Variants in NT5C3A observed in about 807,000 individuals in gnomAD.
NT5C3A encodes the protein 5'-nucleotidase, cytosolic IIIA, also known as cytosolic 5'-nucleotidase 3A.
Under a neutral mutation model 40.0 loss-of-function variants are expected in NT5C3A, and 23 were observed. The observed-to-expected ratio is 0.58, with a 90% CI of 0.41 to 0.81. The LOEUF is 0.81. Ranked by LOEUF, NT5C3A falls within the 40% of genes least tolerant of loss-of-function variation. NT5C3A has a pLI of 0.00. For synonymous variants in NT5C3A, 130 were observed against 141.4 expected, an observed-to-expected ratio of 0.92 and a Z score of 0.57; for missense variants, 328 against 403.0, an observed-to-expected ratio of 0.81 and a Z score of 1.59.
chr7:33,049,726 T>C (rs1787287975), intron 1 of NT5C3A, among the ~76,000 whole-genome samples: 2 of 151,868 alleles, frequency 1.3e-5, no homozygotes, highest in African/African-American at 4.8e-5. Context: ...TCCCAGCACT[T>C]TGGGAGACCG....
chr7:33,029,236 T>G (rs1786111637), intron 1 of NT5C3A: 1 of 101,226 alleles, frequency 9.9e-6, no homozygotes, highest in African/African-American at 5.1e-5. Context: ...AGATAGGCAC[T>G]GGTTCCTATT....
rs1036757268 is a variant in NT5C3A at position 33,014,192 on chromosome 7, T to C, written c.*538A>G. On this transcript the variant is annotated 3_prime_UTR_variant, in exon 9 of 9. Transcript: ENST00000610140. ...TTCAATATAGAATGTTTTGTAATGA[T>C]TAGCAACATTGTAAACACCACCAGG... The C allele has an allele frequency of 2.2e-6, 1 of 454,308 alleles. No individual in the cohort carries two copies. Among genetic ancestry groups the C allele is most frequent in the Non-Finnish European group, 4.4e-6 (1 of 226,732 alleles). 28.1% of individuals were successfully genotyped at this position (454,308 alleles called of 1,614,324 possible). A position where few individuals can be genotyped will look rare whatever the true frequency, so the allele number is the denominator to read the frequency against.
intron 1 of NT5C3A, among the ~76,000 whole-genome samples, chr7:33,034,233 T>G (rs1177003275): frequency 1.3e-5 from 2 of 151,930 alleles, no homozygotes; most frequent in East Asian, 3.9e-4. Flanking sequence ...AAGGTAAAAA[T>G]TGTGTAAATT....
rs1323952954 is a variant in NT5C3A at position 33,015,802 on chromosome 7, A to G, written c.762T>C (p.Asn254=). 1.1e-5 allele frequency: 17 copies of G among 1,610,506 alleles called. No homozygotes were observed. The highest frequency in any genetic ancestry group is 1.4e-5 in the Non-Finnish European group (17 of 1,176,792). The change falls in exon 8 of 9, where the codon AAT becomes AAC. Residue 254 remains asparagine (N), a synonymous_variant. Transcript: ENST00000610140. ...VFNKHDGALR[N]TEYFNQLKDN... ...CTTTTAGTTGATTGAAATATTCTGTATTCCTCAAGGCACCATCATGTTTGT... is the reference window on the plus strand; with the variant it reads ...CTTTTAGTTGATTGAAATATTCTGTGTTCCTCAAGGCACCATCATGTTTGT...
intron 1 of NT5C3A, among the ~76,000 whole-genome samples, chr7:33,030,444 T>C (rs1210045163): frequency 6.6e-6 from 1 of 152,168 alleles, no homozygotes; most frequent in Admixed American, 6.5e-5. Context: ...GTATTTTGAA[T>C]TGTCTGAAAA....
chr7:33,015,859 T>C lies in NT5C3A; in HGVS notation c.705A>G (p.Lys235=), dbSNP rs1785295250. The C allele has an allele frequency of 6.2e-7, 1 of 1,600,970 alleles. No homozygotes were observed. Among genetic ancestry groups the C allele is most frequent in the Non-Finnish European group, 8.6e-7 (1 of 1,167,994 alleles). Residue 235 remains lysine (K), a synonymous_variant, in exon 8 of 9, where the codon AAA becomes AAG. Coordinates refer to ENST00000610140, the MANE Select transcript of NT5C3A (RefSeq NM_001002010.5). ...FMDFDETGVL[K]GFKGELIHVF... is the part of the protein sequence containing the mutation. ...CATGAATTAGTTCTCCTTTAAATCC[T>C]TTGAGCACCCCCTATGAAAAATATA...
chr7:33,015,557 CAA>C, intron 8 of NT5C3A, 111 bp downstream of exon 8: 2 of 578,352 alleles, frequency 3.5e-6, no homozygotes, highest in Non-Finnish European at 6.0e-6. Context: ...AGGCTTGTCT[CAA>C]AAAAAAAAGT....
chr7:33,059,754 G>A (rs1209699338), intron 1 of NT5C3A, among the ~76,000 whole-genome samples: 1 of 152,190 alleles, frequency 6.6e-6, no homozygotes, highest in African/African-American at 2.4e-5. Context: ...TCTACAGTCT[G>A]TGCACAAAGT....
intron 1 of NT5C3A, among the ~76,000 whole-genome samples, chr7:33,033,382 C>A (rs1461983725): frequency 6.6e-6 from 1 of 152,162 alleles, no homozygotes; most frequent in Non-Finnish European, 1.5e-5. Flanking sequence ...AGCGATTTCC[C>A]TTGCTTATTA....
rs766728223 is a variant in NT5C3A at position 33,062,640 on chromosome 7, C to T, written c.66G>A (p.Ala22=). 1.0e-5 allele frequency: 16 copies of T among 1,601,668 alleles called. No homozygotes were observed. The South Asian group carries it at 1.3e-4, about 13-fold the overall frequency. The change falls in exon 1 of 9, where the codon GCG becomes GCA. Residue 22 remains alanine, a synonymous_variant. Transcript: ENST00000610140. ...ATATGTACTGAGCCAGCACCACCCC[C>T]GCCACCAGGGCGCACACGCTGGCGC... ...VASASVCALV[A]GVVLAQYIFT...
chr7:33,029,714 A>G (rs1329723904), intron 1 of NT5C3A: 24 of 1,285,056 alleles, frequency 1.9e-5, no homozygotes, highest in Non-Finnish European at 2.3e-5. Context: ...TTTCTGCTAC[A>G]CTAACAAATG....
At chr7:33,044,463 A>G (rs962216889) in intron 1 of NT5C3A, among the ~76,000 whole-genome samples, 3 of 152,146 alleles carry the variant, frequency 2.0e-5, no homozygotes, top group African/African-American at 7.2e-5. Context: ...TAACTGCACA[A>G]TGGACTTTCA....
intron 1 of NT5C3A, among the ~76,000 whole-genome samples, chr7:33,044,023 T>C (rs768901748): frequency 6.7e-6 from 1 of 149,882 alleles, no homozygotes; most frequent in Non-Finnish European, 1.5e-5. Flanking sequence ...GTTGGGACAC[T>C]TTTTTTTTTC....
In NT5C3A at chr7:33,034,642, G is replaced by A. The variant is rs116684430; in HGVS notation, c.139-7727C>T. ...AACAATTTCATACGCTTCAACCTAA[G>A]AGCAATAACTAAACTGACGATGACT... On this transcript the variant is annotated intron_variant, in intron 1 of 8. Transcript: ENST00000610140. Among the ~76,000 whole-genome samples the A allele has an allele frequency of 2.6e-3, 401 of 152,276 alleles. 1 individual carries two copies. Among genetic ancestry groups the A allele is most frequent in the African/African-American group, 9.3e-3 (387 of 41,556 alleles).
At chr7:33,050,379 A>G (rs1261173783) in intron 1 of NT5C3A, among the ~76,000 whole-genome samples, 1 of 152,218 alleles carries the variant, frequency 6.6e-6, no homozygotes, top group Non-Finnish European at 1.5e-5. Context: ...GCTATGCTGT[A>G]TATAATGCTT....
In NT5C3A at chr7:33,023,341, C is replaced by T. The variant is rs149030954; in HGVS notation, c.307+698G>A. Among the ~76,000 whole-genome samples, 194 of 152,206 alleles carry T rather than the reference C, an allele frequency of 1.3e-3. 3 individuals are homozygous for T. The East Asian group carries it at 0.036, about 28-fold the overall frequency. On this transcript the variant is annotated intron_variant, in intron 3 of 8. Coordinates refer to ENST00000610140, the MANE Select transcript of NT5C3A (RefSeq NM_001002010.5). ...TTGTGCAATCTTGGCTCACTGCAAA[C>T]TCCACGTCCCGGGTTCAAGTGATTC...
chr7:33,027,950 T>C (rs1426861440), intron 1 of NT5C3A, among the ~76,000 whole-genome samples: 1 of 152,272 alleles, frequency 6.6e-6, no homozygotes, highest in Non-Finnish European at 1.5e-5. Context: ...TATTTTAAAA[T>C]GTTCCTGAGC....
At position 33,019,795 on chromosome 7, in the gene NT5C3A, A is replaced by G. The variant is rs2392209; in HGVS notation, c.441-71T>C. 639,097 of 865,288 alleles carry G rather than the reference A, an allele frequency of 0.74. 237,731 individuals carry two copies. The highest frequency in any genetic ancestry group is 0.9 in the African/African-American group (54,102 of 60,406). 53.6% of individuals were successfully genotyped at this position (865,288 alleles called of 1,614,324 possible). On this transcript the variant is annotated intron_variant, in intron 5 of 8. Transcript: ENST00000610140. ...CTAAAATTATTATCTTTATTACAAAACATTCTTCCATGTGAGAAAATCTGT... is the reference window on the plus strand; with the variant it reads ...CTAAAATTATTATCTTTATTACAAAGCATTCTTCCATGTGAGAAAATCTGT...
At chr7:33,052,391 CACG>C (rs1468464178) in intron 1 of NT5C3A, among the ~76,000 whole-genome samples, 2 of 13,656 alleles carry the variant, frequency 1.5e-4, no homozygotes, top group African/African-American at 2.7e-4. Context: ...GCTGAGGCAC[CACG>C]AGTATCACTT....
Sources: gnomAD v4.1 joint callset for allele counts (sites outside exome capture counted in the v4.1 genomes callset) on GRCh38, gnomAD v4.1.1 for gene constraint, MANE v1.5 for transcripts, NCBI Gene and HGNC (gene_info 2026-07-23, HGNC 2026-07-21) for gene names.